KDM2B: variants seen among roughly 807,000 people sequenced by gnomAD.
The protein encoded by KDM2B is lysine-specific demethylase 2B.
In KDM2B, 26 loss-of-function variants were observed where a neutral mutation model predicts 150.0. The ratio of observed to expected loss-of-function variants is 0.17; its 90% CI spans 0.13 to 0.24. The LOEUF (loss-of-function observed/expected upper bound fraction) is 0.24, where lower values mean the gene tolerates loss of function less well. Among genes scored for constraint, KDM2B ranks in the 10% least tolerant of loss-of-function variants. The pLI, the probability that KDM2B is intolerant of heterozygous loss-of-function variation, is 1.00. For missense variants in KDM2B, 1,265 were observed against 1,816.9 expected, an observed-to-expected ratio of 0.70 and a Z score of 5.52; for synonymous variants, 734 against 729.5, an observed-to-expected ratio of 1.01 and a Z score of -0.10.
chr12:121,477,888 T>G (rs563648712), intron 12 of KDM2B, among the ~76,000 whole-genome samples: 1 of 152,042 alleles, frequency 6.6e-6, no homozygotes, highest in African/African-American at 2.4e-5. Flanking sequence ...TTTTTTCTTA[T>G]TTTAAAACTT....
chr12:121,580,179 G>C, intron 1 of KDM2B: 1 of 1,518,152 alleles, frequency 6.6e-7, no homozygotes. Context: ...CCAGAGCCGA[G>C]ATCTACAAAG....
chr12:121,530,456 G>C (rs1412903833), intron 8 of KDM2B, among the ~76,000 whole-genome samples: 1 of 151,992 alleles, frequency 6.6e-6, no homozygotes, highest in African/African-American at 2.4e-5. Flanking sequence ...CTCTGTATCT[G>C]TTCCTAAGTT....
the KDM2B span, among the ~76,000 whole-genome samples, chr12:121,409,242 A>G: frequency 1.3e-5 from 2 of 152,118 alleles, no homozygotes; most frequent in Non-Finnish European, 2.9e-5. Context: ...GGCCTCCCAA[A>G]CTGCTGGGAT....
chr12:121,467,300 T>C lies in KDM2B; in HGVS notation c.1735-13956A>G. The C allele has an allele frequency of 4.1e-6, 4 of 983,588 alleles. No homozygotes were observed. The highest frequency in any genetic ancestry group is 4.8e-6 in the Non-Finnish European group (4 of 829,880). 60.9% of individuals were successfully genotyped at this position (983,588 alleles called of 1,614,324 possible). On this transcript the variant is annotated intron_variant, in intron 12 of 22. Transcript: ENST00000377071. This position sits in a 1 kb window ranked among gnomAD's most constrained non-coding sequence, Gnocchi z 5.1. ...CGCCCGGAGCAGGCTCGGCTCGCCC[T>C]GGCTCGGGCTCGGGCTCGGGCTCGG...
intron 4 of KDM2B, among the ~76,000 whole-genome samples, chr12:121,552,960 C>T (rs1210674711): frequency 6.6e-6 from 1 of 151,918 alleles, no homozygotes; most frequent in Non-Finnish European, 1.5e-5. Context: ...CAGCCGGGCA[C>T]GGTGGCTCAC....
chr12:121,522,983 G>GTGCCACACA (rs1782458097), intron 8 of KDM2B, among the ~76,000 whole-genome samples: 1 of 152,252 alleles, frequency 6.6e-6, no homozygotes, highest in South Asian at 2.1e-4. Context: ...CACAGCTACT[G>GTGCCACACA]CACTGCAATT....
In KDM2B at chr12:121,468,551, CCTT is replaced by C. The variant is rs1474350075; in HGVS notation, c.1735-15210_1735-15208del. ...GAAGGATTTACCAAGGGATGGATAA[CCTT>C]CTGTAAAAAGATCAGAGGCTTTCCC... On this transcript the variant is annotated intron_variant, in intron 12 of 22. Coordinates refer to ENST00000377071, the MANE Select transcript of KDM2B (RefSeq NM_032590.5). This position sits in a 1 kb window ranked among gnomAD's most constrained non-coding sequence, Gnocchi z 4.0. The C allele has an allele frequency of 1.4e-4, 21 of 152,270 alleles. No individual in the cohort carries two copies. The highest frequency in any genetic ancestry group is 1.3e-3 in the Admixed American group (20 of 15,282). The allele number at this position is 152,270 out of a possible 1,614,324, so 9.4% of individuals were successfully genotyped here.
chr12:121,409,413 T>C, the KDM2B span: 1 of 152,268 alleles, frequency 6.6e-6, no homozygotes, highest in Non-Finnish European at 1.5e-5. Flanking sequence ...TCCAGAACTC[T>C]AGGGCCACAG....
At chr12:121,546,365 TCTTTTTTTTTTGC>T (rs1889038937) in intron 6 of KDM2B, among the ~76,000 whole-genome samples, 1 of 148,352 alleles carries the variant, frequency 6.7e-6, no homozygotes, top group Admixed American at 6.8e-5. Flanking sequence ...ATCTCCTCTG[TCTTTTTTTTTTGC>T]CTTTTTTTTT....
intron 6 of KDM2B, among the ~76,000 whole-genome samples, chr12:121,546,481 C>T (rs1889059388): frequency 7.2e-6 from 1 of 139,128 alleles, no homozygotes; most frequent in African/African-American, 2.7e-5. Flanking sequence ...CTCCTGGGTT[C>T]ACATCATTCT....
At chr12:121,470,723 C>CAAGG (rs35372587) in intron 12 of KDM2B, among the ~76,000 whole-genome samples, 55,210 of 151,798 alleles carry the variant, frequency 0.36, 10,424 homozygotes, top group East Asian at 0.43. Context: ...ATGCCAGAGA[C>CAAGG]GAGGAGGATG....
intron 12 of KDM2B, among the ~76,000 whole-genome samples, chr12:121,457,955 A>G (rs1555293144): frequency 6.6e-6 from 1 of 152,202 alleles, no homozygotes. Flanking sequence ...GCTCTAAATT[A>G]TAGGGATTAA....
At chr12:121,417,381 A>T in the KDM2B span, 1 of 740,788 alleles carries the variant, frequency 1.3e-6, no homozygotes, top group Non-Finnish European at 2.2e-6. This position sits in a 1 kb window ranked among gnomAD's most constrained non-coding sequence, Gnocchi z 5.0. Flanking sequence ...CTCTGGAAAT[A>T]GTCTGGTGCC....
chr12:121,472,135 CAG>C (rs1880836126), intron 12 of KDM2B, among the ~76,000 whole-genome samples: 1 of 152,112 alleles, frequency 6.6e-6, no homozygotes, highest in African/African-American at 2.4e-5. Context: ...AAAAAAGTAA[CAG>C]AGCAGGAGGC....
At chr12:121,538,792 G>C (rs1468753829) in intron 6 of KDM2B, among the ~76,000 whole-genome samples, 1 of 152,088 alleles carries the variant, frequency 6.6e-6, no homozygotes, top group African/African-American at 2.4e-5. Flanking sequence ...ATCAGAGGCA[G>C]TGCTCACCCA....
intron 12 of KDM2B, among the ~76,000 whole-genome samples, chr12:121,487,093 T>C (rs1882846541): frequency 6.6e-6 from 1 of 151,904 alleles, no homozygotes; most frequent in Admixed American, 6.6e-5. Context: ...TGAGCTATGA[T>C]CACACCACTT....
chr12:121,511,627 G>C (rs1000891308), intron 10 of KDM2B, among the ~76,000 whole-genome samples: 6 of 152,208 alleles, frequency 3.9e-5, no homozygotes, highest in African/African-American at 1.4e-4. Flanking sequence ...CCGGCCCCGG[G>C]TTTCTTTTTG....
chr12:121,433,471 C>T (rs949220669), intron 22 of KDM2B, among the ~76,000 whole-genome samples: 1 of 152,216 alleles, frequency 6.6e-6, no homozygotes, highest in African/African-American at 2.4e-5. Flanking sequence ...CCTCCCACCT[C>T]AGCTTCCTGA....
chr12:121,524,828 C>A, intron 8 of KDM2B: 1 of 310,588 alleles, frequency 3.2e-6, no homozygotes, highest in Non-Finnish European at 6.8e-6. Flanking sequence ...TCAGGCCAAG[C>A]GACCAGGGAC....
Sources: allele counts gnomAD v4.1 joint callset (sites outside exome capture counted in the v4.1 genomes callset), GRCh38; gene constraint gnomAD v4.1.1; non-coding constraint Gnocchi (gnomAD v3.1); transcripts MANE v1.5; gene names NCBI Gene and HGNC (gene_info 2026-07-23, HGNC 2026-07-21).